RERE: variants seen among roughly 807,000 people sequenced by gnomAD.
RERE encodes the protein arginine-glutamic acid dipeptide repeats.
In RERE, 40 loss-of-function variants were observed where a neutral mutation model predicts 146.1. The observed-to-expected ratio is 0.27, with a 90% CI of 0.21 to 0.36. The LOEUF (loss-of-function observed/expected upper bound fraction) is 0.36. Among genes scored for constraint, RERE ranks in the 10% least tolerant of loss-of-function variants. The pLI is 1.00. For synonymous variants in RERE, 1,003 were observed against 866.0 expected (o/e 1.16, Z -2.78); for missense variants, 1,933 against 2,138.7 (o/e 0.90, Z 1.90).
At chr1:8,785,403 A>G (rs72857222) in intron 1 of RERE, among the ~76,000 whole-genome samples, 2 of 152,216 alleles carry the variant, frequency 1.3e-5, no homozygotes, top group East Asian at 3.8e-4. Flanking sequence ...TTCTTCAGAC[A>G]TATCTTTTAT....
intron 1 of RERE, among the ~76,000 whole-genome samples, chr1:8,704,273 T>C (rs943972672): frequency 6.6e-5 from 10 of 152,232 alleles, no homozygotes; most frequent in African/African-American, 2.4e-4. Flanking sequence ...TCTCTAGTGG[T>C]GATAGCCAAG....
At chr1:8,438,661 C>T (rs1644203621) in intron 11 of RERE, among the ~76,000 whole-genome samples, 1 of 152,110 alleles carries the variant, frequency 6.6e-6, no homozygotes, top group African/African-American at 2.4e-5. Flanking sequence ...AGTTTACTTC[C>T]GGCTAGCCAT....
chr1:8,596,671 G>GTTTT, intron 4 of RERE, among the ~76,000 whole-genome samples: 1 of 73,022 alleles, frequency 1.4e-5, no homozygotes, highest in South Asian at 4.0e-4. Context: ...ACCATGTCTG[G>GTTTT]CTTTTTTTTT....
At chr1:8,458,985 T>A (rs1644488760) in intron 11 of RERE, among the ~76,000 whole-genome samples, 1 of 152,248 alleles carries the variant, frequency 6.6e-6, no homozygotes, top group Admixed American at 6.5e-5. Flanking sequence ...AACAGTAGAA[T>A]CTTTCTGCAA....
chr1:8,358,663 C>T lies in RERE; in HGVS notation c.3872G>A (p.Gly1291Asp). 1 of 1,585,096 alleles carries T rather than the reference C, an allele frequency of 6.3e-7. No individual in the cohort carries two copies. Among genetic ancestry groups the T allele is most frequent in the Non-Finnish European group, 8.6e-7 (1 of 1,164,248 alleles). Residue 1291 changes from glycine (G) to aspartate (D), a missense_variant, in exon 20 of 23, where the codon GGC becomes GAC. Gly to Asp is a moderately conservative substitution (Grantham distance 94). Coordinates refer to ENST00000400908, the MANE Select transcript of RERE (RefSeq NM_001042681.2). ...TDPLLAYHMPGLYNVDPTIRE... is the reference protein window; with the variant it reads ...TDPLLAYHMPDLYNVDPTIRE... Reference sequence around the variant, plus strand: ...GATGGTGGGGTCGACGTTGTAGAGGCCAGGCATGTGGTAGGCCAGCAGGGG... The same window carrying T: ...GATGGTGGGGTCGACGTTGTAGAGGTCAGGCATGTGGTAGGCCAGCAGGGG...
At position 8,364,893 on chromosome 1, in the gene RERE, A is replaced by T; in HGVS notation, c.1448-55T>A. 1 of 209,610 alleles carries T rather than the reference A, an allele frequency of 4.8e-6. No individual in the cohort carries two copies. The highest frequency in any genetic ancestry group is 9.1e-6 in the Non-Finnish European group (1 of 109,646). The allele number at this position is 209,610 out of a possible 1,614,324, so 13.0% of individuals were successfully genotyped here. A position where few individuals can be genotyped will look rare whatever the true frequency, so the allele number is the denominator to read the frequency against. On this transcript the variant is annotated intron_variant, in intron 13 of 22. Coordinates refer to ENST00000400908, the MANE Select transcript of RERE (RefSeq NM_001042681.2). This position sits in a 1 kb window ranked among gnomAD's most constrained non-coding sequence, Gnocchi z 5.1. ...GGGGAGACACCATCATGCTCAGCCA[A>T]GGCTGGGCCGGTGGGGTGGGGGGGA...
intron 12 of RERE, among the ~76,000 whole-genome samples, chr1:8,374,585 G>A (rs1479046647): frequency 2.6e-5 from 4 of 152,080 alleles, no homozygotes; most frequent in Non-Finnish European, 4.4e-5. Context: ...TCCCTGGGCC[G>A]GCCCTCCCAT....
At chr1:8,695,074 A>G (rs535733281) in intron 1 of RERE, among the ~76,000 whole-genome samples, 2 of 151,630 alleles carry the variant, frequency 1.3e-5, no homozygotes, top group African/African-American at 4.9e-5. Flanking sequence ...AAAAACAGAC[A>G]CATAGACCAA....
At chr1:8,419,481 T>C (rs980020808) in intron 12 of RERE, among the ~76,000 whole-genome samples, 1 of 152,206 alleles carries the variant, frequency 6.6e-6, no homozygotes, top group African/African-American at 2.4e-5. Flanking sequence ...AAGACGGACG[T>C]TGTTAACTAG....
At chr1:8,668,963 T>TGTGTGTGTGTGTGTTG in intron 1 of RERE, among the ~76,000 whole-genome samples, 1 of 42,408 alleles carries the variant, frequency 2.4e-5, no homozygotes, top group Non-Finnish European at 4.9e-5. Context: ...TGTGTGTGTG[T>TGTGTGTGTGTGTGTTG]TGTGTTTTTA....
chr1:8,449,712 A>G (rs1644367984), intron 11 of RERE, among the ~76,000 whole-genome samples: 1 of 152,198 alleles, frequency 6.6e-6, no homozygotes, highest in Non-Finnish European at 1.5e-5. Context: ...ATTGAGTCCT[A>G]AAGACATTTA....
At chr1:8,698,272 AAG>A (rs1639376206) in intron 1 of RERE, among the ~76,000 whole-genome samples, 1 of 152,190 alleles carries the variant, frequency 6.6e-6, no homozygotes, top group Non-Finnish European at 1.5e-5. Flanking sequence ...TGCCCCAACT[AAG>A]AAATCCTGAA....
At chr1:8,721,257 T>A (rs1639858538) in intron 1 of RERE, among the ~76,000 whole-genome samples, 1 of 152,090 alleles carries the variant, frequency 6.6e-6, no homozygotes, top group Non-Finnish European at 1.5e-5. Flanking sequence ...ACACAAGATC[T>A]CAGGAAATGG....
intron 1 of RERE, among the ~76,000 whole-genome samples, chr1:8,771,920 A>AG (rs1640960194): frequency 6.6e-6 from 1 of 151,204 alleles, no homozygotes; most frequent in African/African-American, 2.4e-5. Flanking sequence ...AAAAAAAAAA[A>AG]AAAAAAAAAG....
intron 1 of RERE, among the ~76,000 whole-genome samples, chr1:8,800,815 AT>A (rs1641575017): frequency 6.6e-6 from 1 of 152,098 alleles, no homozygotes; most frequent in Non-Finnish European, 1.5e-5. Flanking sequence ...AAATACAAAA[AT>A]TAGCTGGGTG....
At chr1:8,802,471 G>C (rs993530212) in intron 1 of RERE, among the ~76,000 whole-genome samples, 4 of 152,204 alleles carry the variant, frequency 2.6e-5, no homozygotes, top group Non-Finnish European at 5.9e-5. Flanking sequence ...CAGGCTCTGT[G>C]CCTTTGCTTC....
chr1:8,352,752 TAAAC>T lies in RERE; in HGVS notation c.*2331_*2334del, dbSNP rs911454157. 1 of 152,344 alleles carries T rather than the reference TAAAC, an allele frequency of 6.6e-6. No homozygotes were observed. The highest frequency in any genetic ancestry group is 1.5e-5 in the Non-Finnish European group (1 of 68,014). 9.4% of individuals were successfully genotyped at this position (152,344 alleles called of 1,614,324 possible). ...AGACACCATGAAGGTCAGGGCCTCCTAAACAAACTGTAGTTTATCTGGTGAGGGT... is the reference window on the plus strand; with the variant it reads ...AGACACCATGAAGGTCAGGGCCTCCTAAACTGTAGTTTATCTGGTGAGGGT... On this transcript the variant is annotated 3_prime_UTR_variant, in exon 23 of 23. Coordinates refer to ENST00000400908, the MANE Select transcript of RERE (RefSeq NM_001042681.2).
At chr1:8,782,662 T>C (rs1641186393) in intron 1 of RERE, among the ~76,000 whole-genome samples, 1 of 152,132 alleles carries the variant, frequency 6.6e-6, no homozygotes, top group Admixed American at 6.6e-5. Flanking sequence ...TCCCAGCACT[T>C]TGGGAGGCCG....
Position 8,364,474 on chromosome 1 carries a change from G to A in RERE, c.1541-219C>T, listed in dbSNP as rs926507397. Among the ~76,000 whole-genome samples the A allele has an allele frequency of 2.0e-5, 3 of 152,132 alleles. No individual in the cohort carries two copies. The highest frequency in any genetic ancestry group is 4.4e-5 in the Non-Finnish European group (3 of 68,002). ...TGCCCACTTCAACTTGGGGTGCCCAGGAAAAGCTGGCAGCAAGCTCCTGGG... is the reference window on the plus strand; with the variant it reads ...TGCCCACTTCAACTTGGGGTGCCCAAGAAAAGCTGGCAGCAAGCTCCTGGG... On this transcript the variant is annotated intron_variant, in intron 14 of 22. Transcript: ENST00000400908. The surrounding 1 kb of genome is among the most constrained non-coding windows in gnomAD (Gnocchi z 5.1).
Sources: allele counts gnomAD v4.1 joint callset (sites outside exome capture counted in the v4.1 genomes callset), GRCh38; gene constraint gnomAD v4.1.1; non-coding constraint Gnocchi (gnomAD v3.1); transcripts MANE v1.5; gene names NCBI Gene and HGNC (gene_info 2026-07-23, HGNC 2026-07-21).